The following DAPK1 variants were observed in gnomAD, a reference collection of about 807,000 sequenced individuals.
DAPK1 encodes death-associated protein kinase 1.
In DAPK1, 56 loss-of-function variants were observed where a neutral mutation model predicts 144.9. The ratio of observed to expected loss-of-function variants is 0.39; its 90% CI spans 0.31 to 0.48. DAPK1 has a LOEUF of 0.48. Among genes scored for constraint, DAPK1 ranks in the 20% least tolerant of loss-of-function variants. The pLI, the probability that DAPK1 is intolerant of heterozygous loss-of-function variation, is 0.95. For missense variants in DAPK1, 1,454 were observed against 1,875.4 expected, an observed-to-expected ratio of 0.78 and a Z score of 4.15; for synonymous variants, 690 against 749.0, an observed-to-expected ratio of 0.92 and a Z score of 1.29.
Position 87,707,691 on chromosome 9 carries a change from T to C in DAPK1, c.*327T>C, listed in dbSNP as rs1825690809. On this transcript the variant is annotated 3_prime_UTR_variant, in exon 26 of 26. Coordinates refer to ENST00000408954, the MANE Select transcript of DAPK1 (RefSeq NM_004938.4). The surrounding 1 kb of genome is among the most constrained non-coding windows in gnomAD (Gnocchi z 4.0). ...CTTCTTACTGATAATTTTGCTGGAA[T>C]TCCTAACTTTTCAATGACATTTTTT... The C allele has an allele frequency of 2.2e-6, 1 of 447,318 alleles. No individual in the cohort carries two copies. Among genetic ancestry groups the C allele is most frequent in the Admixed American group, 3.2e-5 (1 of 30,994 alleles). The allele number at this position is 447,318 out of a possible 1,614,324, so 27.7% of individuals were successfully genotyped here.
Position 87,686,800 on chromosome 9 carries a change from A to G in DAPK1, c.2413+61A>G. 2.1e-6 allele frequency: 3 copies of G among 1,429,794 alleles called. No homozygotes were observed. The highest frequency in any genetic ancestry group is 1.9e-6 in the Non-Finnish European group (2 of 1,035,964). The allele number at this position is 1,429,794 out of a possible 1,614,324, so 88.6% of individuals were successfully genotyped here. ...TTTCCCTTCAACAGGGTTGTAAGTC[A>G]TCCCTAAAGGGAGCTTGTCCTGAGC... On this transcript the variant is annotated intron_variant, in intron 21 of 25. Transcript: ENST00000408954. This position sits in a 1 kb window ranked among gnomAD's most constrained non-coding sequence, Gnocchi z 4.2.
At chr9:87,583,860 A>G (rs1348089723) in intron 2 of DAPK1, among the ~76,000 whole-genome samples, 1 of 152,120 alleles carries the variant, frequency 6.6e-6, no homozygotes, top group Non-Finnish European at 1.5e-5. Context: ...TTCTTTCTTC[A>G]GTTCATGGGG....
chr9:87,684,237 G>A (rs77404905), intron 20 of DAPK1, among the ~76,000 whole-genome samples: 2,698 of 152,296 alleles, frequency 0.018, 42 homozygotes, highest in Non-Finnish European at 0.023. Flanking sequence ...TTAGACACCC[G>A]AGGAACTGCC....
chr9:87,686,332 GA>G lies in DAPK1; in HGVS notation c.2225-215del, dbSNP rs1249970548. ...GCCACCCGGGCAACAGGGCGGGGCA[GA>G]AAAGGTTGTGGGGAGGTAGAGCAAG... On this transcript the variant is annotated intron_variant, in intron 20 of 25. Coordinates refer to ENST00000408954, the MANE Select transcript of DAPK1 (RefSeq NM_004938.4). This position sits in a 1 kb window ranked among gnomAD's most constrained non-coding sequence, Gnocchi z 4.2. Among the ~76,000 whole-genome samples, 2 of 152,184 alleles carry G rather than the reference GA, an allele frequency of 1.3e-5. No homozygotes were observed. Among genetic ancestry groups the G allele is most frequent in the East Asian group, 3.9e-4 (2 of 5,180 alleles).
intron 2 of DAPK1, among the ~76,000 whole-genome samples, chr9:87,551,244 T>C (rs1826472539): frequency 1.3e-5 from 2 of 151,872 alleles, no homozygotes. Flanking sequence ...GCCTCCTGGG[T>C]TCAAGTGATT....
At chr9:87,534,835 G>T (rs945001015) in intron 2 of DAPK1, among the ~76,000 whole-genome samples, 3 of 151,920 alleles carry the variant, frequency 2.0e-5, no homozygotes, top group Admixed American at 6.6e-5. Flanking sequence ...AGTAGAGATG[G>T]GGTTTTGCCA....
intron 2 of DAPK1, among the ~76,000 whole-genome samples, chr9:87,547,493 A>G (rs1436049467): frequency 2.6e-5 from 4 of 152,206 alleles, no homozygotes; most frequent in African/African-American, 9.6e-5. Context: ...TGTGGACTTT[A>G]GTTAATTTAA....
intron 19 of DAPK1, among the ~76,000 whole-genome samples, chr9:87,674,514 CAAAAAAA>C (rs35817698): frequency 0.073 from 4,930 of 67,838 alleles, 111 homozygotes; most frequent in East Asian, 0.16. Context: ...GACTCTGTCT[CAAAAAAA>C]AAAAAAAAAA....
intron 18 of DAPK1, among the ~76,000 whole-genome samples, chr9:87,661,781 C>G (rs553332642): frequency 1.3e-5 from 2 of 152,272 alleles, no homozygotes; most frequent in East Asian, 3.9e-4. Flanking sequence ...TGCAAGTTGT[C>G]TGTTCACTCT....
chr9:87,603,431 G>A (rs1828597521), intron 2 of DAPK1, among the ~76,000 whole-genome samples: 1 of 152,140 alleles, frequency 6.6e-6, no homozygotes, highest in Non-Finnish European at 1.5e-5. Context: ...CTGCTGCAGG[G>A]ACAAAGCGGG....
At chr9:87,654,736 A>G (rs1830575155) in intron 17 of DAPK1, among the ~76,000 whole-genome samples, 1 of 152,160 alleles carries the variant, frequency 6.6e-6, no homozygotes, top group African/African-American at 2.4e-5. Context: ...CTCTGTAGAC[A>G]TTCCCACTGT....
intron 2 of DAPK1, among the ~76,000 whole-genome samples, chr9:87,529,629 G>A (rs960080543): frequency 1.5e-4 from 23 of 152,318 alleles, no homozygotes; most frequent in Non-Finnish European, 2.8e-4. Context: ...GGCTGCAAAG[G>A]TGGAGGGAAG....
chr9:87,593,741 C>T (rs563434988), intron 2 of DAPK1, among the ~76,000 whole-genome samples: 2 of 152,266 alleles, frequency 1.3e-5, no homozygotes, highest in East Asian at 1.9e-4. Context: ...AACCTCCTGC[C>T]TTCTTTGTCA....
chr9:87,582,335 G>A (rs1389764267), intron 2 of DAPK1, among the ~76,000 whole-genome samples: 5 of 152,170 alleles, frequency 3.3e-5, no homozygotes, highest in South Asian at 2.1e-4. Flanking sequence ...GATCATTAGC[G>A]TCTCTGGGAC....
At chr9:87,671,979 G>A (rs557081136) in intron 19 of DAPK1, among the ~76,000 whole-genome samples, 3 of 152,324 alleles carry the variant, frequency 2.0e-5, no homozygotes, top group African/African-American at 4.8e-5. Context: ...GCTCCGCCAC[G>A]CTCTAGCTAG....
chr9:87,574,656 C>T (rs1587731738), intron 2 of DAPK1, among the ~76,000 whole-genome samples: 1 of 152,298 alleles, frequency 6.6e-6, no homozygotes, highest in South Asian at 2.1e-4. Context: ...ACGGTGGCTC[C>T]CGCCTGTAAT....
At chr9:87,597,761 T>C (rs1008531812) in intron 2 of DAPK1, among the ~76,000 whole-genome samples, 4 of 152,086 alleles carry the variant, frequency 2.6e-5, no homozygotes, top group African/African-American at 9.7e-5. Context: ...ACCTGACGCC[T>C]CCCTGCCGCT....
chr9:87,650,903 G>A lies in DAPK1; in HGVS notation c.1627-624G>A, dbSNP rs901494549. Among the ~76,000 whole-genome samples, 10 of 152,088 alleles carry A rather than the reference G, an allele frequency of 6.6e-5. 1 individual carries two copies. The East Asian group carries it at 7.7e-4, about 12-fold the overall frequency. ...TCACCCAGCTCCAAATGCCAATAGC[G>A]CTGAGGCTGAGAAACCCTAGCACAG... On this transcript the variant is annotated intron_variant, in intron 16 of 25. Transcript: ENST00000408954.
At position 87,706,966 on chromosome 9, in the gene DAPK1, G is replaced by A. The variant is rs1010407437; in HGVS notation, c.3895G>A (p.Asp1299Asn). The A allele has an allele frequency of 1.2e-6, 2 of 1,613,178 alleles. No homozygotes were observed. The highest frequency in any genetic ancestry group is 1.7e-6 in the Non-Finnish European group (2 of 1,179,722). ...DVYSQASLGM[D>N]IHASDLNLLT... ...CTACTCACAGGCCAGCCTCGGCATG[G>A]ACATCCATGCATCAGACCTGAACCT... Residue 1299 changes from aspartate (D) to asparagine (N), a missense_variant, in exon 26 of 26, where the codon GAC becomes AAC. By Grantham distance (23) the Asp-to-Asn change is conservative (BLOSUM62 1). This residue lies in a region of DAPK1 where 1,025 missense variants were observed against 1,237.9 expected (regional missense o/e 0.83). Transcript: ENST00000408954. The surrounding 1 kb of genome is among the most constrained non-coding windows in gnomAD (Gnocchi z 9.0).
Sources: gnomAD v4.1 joint callset for allele counts (sites outside exome capture counted in the v4.1 genomes callset) on GRCh38, gnomAD v4.1.1 for gene constraint, gnomAD v4.1.1 regional missense constraint, Gnocchi (gnomAD v3.1) non-coding constraint, MANE v1.5 for transcripts, NCBI Gene and HGNC (gene_info 2026-07-23, HGNC 2026-07-21) for gene names.